ZFHX3: variants seen among roughly 807,000 people sequenced by gnomAD.
ZFHX3 encodes the protein zinc finger homeobox 3, also known as zinc finger homeobox protein 3.
ZFHX3 carries 42 observed loss-of-function variants against 279.1 expected under a neutral mutation model. The observed-to-expected ratio is 0.15, with a 90% CI of 0.12 to 0.19. The LOEUF is 0.19. Among genes scored for constraint, ZFHX3 ranks in the 10% least tolerant of loss-of-function variants. The pLI is 1.00. For synonymous variants in ZFHX3, 2,293 were observed against 1,957.8 expected (o/e 1.17, Z -4.52); for missense variants, 4,981 against 4,754.0 (o/e 1.05, Z -1.40).
In ZFHX3 at chr16:72,784,903, A is replaced by G. The variant is rs2035292485; in HGVS notation, c.*2261T>C. The G allele has an allele frequency of 6.6e-6, 1 of 152,558 alleles. No homozygotes were observed. The highest frequency in any genetic ancestry group is 6.5e-5 in the Admixed American group (1 of 15,280). The allele number at this position is 152,558 out of a possible 1,614,324, so 9.5% of individuals were successfully genotyped here. On this transcript the variant is annotated 3_prime_UTR_variant, in exon 10 of 10. Coordinates refer to ENST00000268489, the MANE Select transcript of ZFHX3 (RefSeq NM_006885.4). ...AAAAACAAATTCATAAAAATAAAAT[A>G]GTCCCGGCTAAAAAAGAAAAAAAGA...
intron 1 of ZFHX3, among the ~76,000 whole-genome samples, chr16:73,813,253 C>G (rs992817879): frequency 6.8e-6 from 1 of 148,008 alleles, no homozygotes; most frequent in African/African-American, 2.6e-5. Context: ...CTCTCTCTCT[C>G]TCTGTTAAGT....
chr16:73,488,431 T>G (rs1461898768), intron 2 of ZFHX3, among the ~76,000 whole-genome samples: 2 of 152,148 alleles, frequency 1.3e-5, no homozygotes, highest in Non-Finnish European at 2.9e-5. Flanking sequence ...AGCAGGGACC[T>G]CATGGCCCAA....
chr16:72,895,791 T>A (rs562371756), intron 3 of ZFHX3, among the ~76,000 whole-genome samples: 2 of 152,286 alleles, frequency 1.3e-5, no homozygotes, highest in South Asian at 4.1e-4. Context: ...ACCAGCGTAC[T>A]CCACCCTGGC....
At chr16:73,369,982 A>G (rs896942602) in intron 3 of ZFHX3, among the ~76,000 whole-genome samples, 10 of 152,238 alleles carry the variant, frequency 6.6e-5, no homozygotes, top group African/African-American at 2.4e-4. Context: ...GACACACAAA[A>G]GATCCCTTTT....
At chr16:73,468,262 G>C (rs2018605729) in intron 2 of ZFHX3, among the ~76,000 whole-genome samples, 1 of 152,110 alleles carries the variant, frequency 6.6e-6, no homozygotes, top group South Asian at 2.1e-4. Context: ...CAGGATGACT[G>C]TCCCCATCTT....
intron 5 of ZFHX3, among the ~76,000 whole-genome samples, chr16:73,202,823 C>T (rs1056560685): frequency 1.3e-5 from 2 of 152,048 alleles, no homozygotes; most frequent in Non-Finnish European, 2.9e-5. Flanking sequence ...GACCATCCCA[C>T]CCACCTTACT....
chr16:73,755,288 T>C (rs1364916083), intron 1 of ZFHX3, among the ~76,000 whole-genome samples: 3 of 152,158 alleles, frequency 2.0e-5, no homozygotes, highest in African/African-American at 7.2e-5. Flanking sequence ...ACGTTGGATA[T>C]AACGACATAT....
At chr16:73,350,813 C>T (rs913171387) in intron 3 of ZFHX3, among the ~76,000 whole-genome samples, 8 of 152,180 alleles carry the variant, frequency 5.3e-5, no homozygotes, top group Non-Finnish European at 7.3e-5. Flanking sequence ...AAGCCAAAGA[C>T]GGTCTCTTGG....
chr16:73,780,522 A>G (rs1052717375), intron 1 of ZFHX3, among the ~76,000 whole-genome samples: 2 of 151,394 alleles, frequency 1.3e-5, no homozygotes, highest in Non-Finnish European at 2.9e-5. Flanking sequence ...GGCTCACTGC[A>G]ACCTCTGACG....
chr16:72,962,404 A>G (rs1961623450), intron 1 of ZFHX3, among the ~76,000 whole-genome samples: 1 of 152,228 alleles, frequency 6.6e-6, no homozygotes, highest in African/African-American at 2.4e-5. Flanking sequence ...AGATGTCAGG[A>G]AAGAATGACA....
At chr16:73,047,089 G>C (rs1965327249) in intron 1 of ZFHX3, among the ~76,000 whole-genome samples, 2 of 152,170 alleles carry the variant, frequency 1.3e-5, no homozygotes, top group African/African-American at 4.8e-5. Context: ...ACATTTTCCA[G>C]AAGGTTCGTT....
intron 5 of ZFHX3, among the ~76,000 whole-genome samples, chr16:73,194,479 CA>C (rs1263536752): frequency 6.6e-6 from 1 of 152,188 alleles, no homozygotes; most frequent in Non-Finnish European, 1.5e-5. Context: ...GGATTACAGG[CA>C]TGAGCCACTG....
chr16:73,432,345 A>G (rs926323455), intron 3 of ZFHX3, among the ~76,000 whole-genome samples: 1 of 152,164 alleles, frequency 6.6e-6, no homozygotes, highest in Non-Finnish European at 1.5e-5. Context: ...TGGAGTTAGC[A>G]TATAACTCCA....
chr16:73,293,984 G>C, intron 4 of ZFHX3: 1 of 47,816 alleles, frequency 2.1e-5, no homozygotes, highest in East Asian at 5.9e-4. Flanking sequence ...AAGTCAATAT[G>C]CCAAAAAAAA....
At chr16:73,745,699 T>C (rs748550510) in intron 1 of ZFHX3, among the ~76,000 whole-genome samples, 9 of 152,190 alleles carry the variant, frequency 5.9e-5, no homozygotes, top group East Asian at 1.9e-4. Context: ...ATGGATCCCA[T>C]AGTTTTCAAA....
intron 3 of ZFHX3, among the ~76,000 whole-genome samples, chr16:72,907,525 T>C (rs1170521540): frequency 6.7e-6 from 1 of 149,754 alleles, no homozygotes; most frequent in African/African-American, 2.5e-5. Context: ...CGGTTCTCGG[T>C]TTCCAAAGGT....
chr16:73,056,985 A>C (rs1265814337), intron 1 of ZFHX3, among the ~76,000 whole-genome samples: 1 of 152,194 alleles, frequency 6.6e-6, no homozygotes, highest in African/African-American at 2.4e-5. Context: ...TGTAATTTGC[A>C]TTACAGCCAA....
At chr16:73,144,742 G>A (rs1054393046) in intron 5 of ZFHX3, among the ~76,000 whole-genome samples, 5 of 151,708 alleles carry the variant, frequency 3.3e-5, no homozygotes, top group African/African-American at 9.7e-5. Flanking sequence ...GCCCCTCCCC[G>A]CAAAGTGGAA....
chr16:73,759,180 G>T (rs2053839329), intron 1 of ZFHX3, among the ~76,000 whole-genome samples: 1 of 152,178 alleles, frequency 6.6e-6, no homozygotes, highest in Non-Finnish European at 1.5e-5. Flanking sequence ...TCTAGGGTAG[G>T]TGTAGTGGCC....
Sources: gnomAD v4.1 joint callset for allele counts (sites outside exome capture counted in the v4.1 genomes callset) on GRCh38, gnomAD v4.1.1 for gene constraint, MANE v1.5 for transcripts, NCBI Gene and HGNC (gene_info 2026-07-23, HGNC 2026-07-21) for gene names.